The following IL1RAPL1 variants were observed in gnomAD, a reference collection of about 807,000 sequenced individuals.
IL1RAPL1 encodes the protein interleukin 1 receptor accessory protein like 1, also known as interleukin-1 receptor accessory protein-like 1.
IL1RAPL1 carries 3 observed loss-of-function variants against 48.4 expected under a neutral mutation model. The observed-to-expected ratio is 0.06, with a 90% CI of 0.03 to 0.16. The LOEUF (loss-of-function observed/expected upper bound fraction) is 0.16, where lower values mean the gene tolerates loss of function less well. IL1RAPL1 is among the 10% of genes least tolerant of loss of function. IL1RAPL1 has a pLI of 1.00. For synonymous variants in IL1RAPL1, 185 were observed against 187.7 expected (o/e 0.99, Z 0.12); for missense variants, 349 against 530.6 (o/e 0.66, Z 3.36).
At chrX:29,051,893 T>A (rs780586938) in intron 2 of IL1RAPL1, among the ~76,000 whole-genome samples, 35 of 112,340 alleles carry the variant, frequency 3.1e-4, no homozygotes, top group African/African-American at 1.0e-3. Flanking sequence ...CAGCATCCTG[T>A]ATTTTCGGCT....
chrX:29,677,493 T>G (rs1926318670), intron 6 of IL1RAPL1, among the ~76,000 whole-genome samples: 1 of 112,457 alleles, frequency 8.9e-6, no homozygotes, highest in Non-Finnish European at 1.9e-5. Flanking sequence ...AATATGCTAT[T>G]TAAAGAAACT....
chrX:29,756,371 A>G (rs1928615178), intron 6 of IL1RAPL1, among the ~76,000 whole-genome samples: 1 of 111,732 alleles, frequency 8.9e-6, no homozygotes, highest in Admixed American at 9.5e-5. Context: ...TTTATTTTGC[A>G]GATTATTGTA....
chrX:29,230,274 G>A (rs1221916997), intron 2 of IL1RAPL1, among the ~76,000 whole-genome samples: 2 of 109,844 alleles, frequency 1.8e-5, no homozygotes, highest in Admixed American at 2.0e-4. Flanking sequence ...AAAAGGATTT[G>A]GAGTTGACTG....
At chrX:29,504,995 A>G (rs1472188658) in intron 5 of IL1RAPL1, among the ~76,000 whole-genome samples, 3 of 111,361 alleles carry the variant, frequency 2.7e-5, no homozygotes, top group Non-Finnish European at 5.7e-5. Context: ...TTTTCGGTGA[A>G]TGTATTATTG....
At chrX:28,877,988 A>T (rs2147312416) in intron 2 of IL1RAPL1, among the ~76,000 whole-genome samples, 1 of 112,276 alleles carries the variant, frequency 8.9e-6, no homozygotes, top group South Asian at 3.7e-4. Context: ...ATTTAATAGA[A>T]ATAAATAGTA....
At chrX:28,660,557 G>C (rs1934810477) in intron 1 of IL1RAPL1, among the ~76,000 whole-genome samples, 1 of 111,701 alleles carries the variant, frequency 9.0e-6, no homozygotes, top group African/African-American at 3.2e-5. Flanking sequence ...AGAAATGACA[G>C]CTAGGACATG....
chrX:28,985,698 C>G (rs111872275), intron 2 of IL1RAPL1, among the ~76,000 whole-genome samples: 27 of 94,369 alleles, frequency 2.9e-4, no homozygotes, highest in African/African-American at 1.0e-3. Flanking sequence ...CTCGCTCTGT[C>G]GCCCAGGCTG....
chrX:29,039,935 G>A (rs1926810216), intron 2 of IL1RAPL1, among the ~76,000 whole-genome samples: 1 of 110,705 alleles, frequency 9.0e-6, no homozygotes, highest in African/African-American at 3.3e-5. Flanking sequence ...CAAAAATAGA[G>A]CCATAAATCC....
At chrX:29,443,523 G>C (rs1026370487) in intron 5 of IL1RAPL1, among the ~76,000 whole-genome samples, 5 of 111,104 alleles carry the variant, frequency 4.5e-5, no homozygotes, top group African/African-American at 1.6e-4. Flanking sequence ...GAACATCACT[G>C]GTTTTGGGAG....
Position 29,044,947 on chromosome X carries a change from G to A in IL1RAPL1, c.83-237991G>A, listed in dbSNP as rs181984160. On this transcript the variant is annotated intron_variant, in intron 2 of 10. Transcript: ENST00000378993. ...GACATGTGGTAGTTTTCCAATCTCCGGCAGGCTGTGTGCATGGGTGTGTGT... is the reference window on the plus strand; with the variant it reads ...GACATGTGGTAGTTTTCCAATCTCCAGCAGGCTGTGTGCATGGGTGTGTGT... Among the ~76,000 whole-genome samples the A allele has an allele frequency of 8.1e-5, 9 of 111,429 alleles. No homozygotes were observed. In the South Asian group the frequency reaches 1.5e-3, roughly 19 times the overall value.
At chrX:29,819,985 A>G (rs1238412433) in intron 6 of IL1RAPL1, among the ~76,000 whole-genome samples, 2 of 106,670 alleles carry the variant, frequency 1.9e-5, no homozygotes, top group Non-Finnish European at 3.8e-5. Context: ...ACAATATTAT[A>G]TAAGTATATT....
At chrX:29,841,524 C>T (rs932662139) in intron 6 of IL1RAPL1, among the ~76,000 whole-genome samples, 2 of 111,529 alleles carry the variant, frequency 1.8e-5, no homozygotes, top group African/African-American at 6.5e-5. Flanking sequence ...AAGCTATACC[C>T]TTGATGACAG....
At chrX:29,155,288 G>A (rs1602085430) in intron 2 of IL1RAPL1, among the ~76,000 whole-genome samples, 1 of 111,590 alleles carries the variant, frequency 9.0e-6, no homozygotes, top group Non-Finnish European at 1.9e-5. Context: ...CTGGGATTAC[G>A]GGCATGAGCC....
intron 2 of IL1RAPL1, among the ~76,000 whole-genome samples, chrX:28,969,091 C>T (rs1355693058): frequency 4.5e-5 from 5 of 112,320 alleles, no homozygotes. Context: ...AACTAATGGA[C>T]AGTACATCCT....
chrX:29,252,120 T>G (rs1602135950), intron 2 of IL1RAPL1, among the ~76,000 whole-genome samples: 5 of 90,841 alleles, frequency 5.5e-5, no homozygotes, highest in East Asian at 7.2e-4. Flanking sequence ...TGTTGTGGGG[T>G]AAGGGGAGGG....
chrX:29,087,864 G>A (rs978666832), intron 2 of IL1RAPL1, among the ~76,000 whole-genome samples: 7 of 111,587 alleles, frequency 6.3e-5, no homozygotes, highest in African/African-American at 2.0e-4. Flanking sequence ...GCAAAACCCC[G>A]TCTCTACAAA....
intron 2 of IL1RAPL1, among the ~76,000 whole-genome samples, chrX:29,042,975 A>C (rs1416730029): frequency 8.9e-6 from 1 of 112,091 alleles, no homozygotes; most frequent in Non-Finnish European, 1.9e-5. Context: ...ACTTCTTACA[A>C]ATCATTTAAT....
At chrX:29,083,563 A>G (rs1296839696) in intron 2 of IL1RAPL1, among the ~76,000 whole-genome samples, 2 of 111,740 alleles carry the variant, frequency 1.8e-5, no homozygotes, top group Admixed American at 1.9e-4. Context: ...ATTATGCAGT[A>G]GTGGCCAGTG....
chrX:28,716,763 A>T (rs73531795), intron 1 of IL1RAPL1, among the ~76,000 whole-genome samples: 1 of 111,612 alleles, frequency 9.0e-6, no homozygotes, highest in African/African-American at 3.3e-5. Flanking sequence ...TTTGCAAACT[A>T]TGCTTCCAAC....
Sources: gnomAD v4.1 joint callset for allele counts (sites outside exome capture counted in the v4.1 genomes callset) on GRCh38, gnomAD v4.1.1 for gene constraint, MANE v1.5 for transcripts, NCBI Gene and HGNC (gene_info 2026-07-23, HGNC 2026-07-21) for gene names.